LIPC: variants seen among roughly 807,000 people sequenced by gnomAD.
The protein encoded by LIPC is hepatic triacylglycerol lipase.
Under a neutral mutation model 50.7 loss-of-function variants are expected in LIPC, and 44 were observed. The observed-to-expected ratio is 0.87, with a 90% CI of 0.68 to 1.11. The LOEUF (loss-of-function observed/expected upper bound fraction) is 1.11. Ranked by LOEUF, LIPC falls within the 50% of genes most tolerant of loss-of-function variation. The pLI is 0.00. For synonymous variants in LIPC, 271 were observed against 256.4 expected, an observed-to-expected ratio of 1.06 and a Z score of -0.54; for missense variants, 697 against 648.2, an observed-to-expected ratio of 1.08 and a Z score of -0.82.
At chr15:58,474,087 T>G (rs79612456) in intron 1 of LIPC, among the ~76,000 whole-genome samples, 4,199 of 152,264 alleles carry the variant, frequency 0.028, 89 homozygotes, top group South Asian at 0.062. Flanking sequence ...CCAAAGCCCT[T>G]CTACATCAAT....
chr15:58,558,631 A>ACATGCTAGAGATCTAGGTTGTATGCTCC (rs562955063), intron 6 of LIPC, among the ~76,000 whole-genome samples: 1 of 151,686 alleles, frequency 6.6e-6, no homozygotes, highest in African/African-American at 2.4e-5. Flanking sequence ...ATTGTGAACT[A>ACATGCTAGAGATCTAGGTTGTATGCTCC]TTATGAGAAT....
At position 58,538,466 on chromosome 15, in the gene LIPC, G is replaced by C. The variant is rs372176025; in HGVS notation, c.222G>C (p.Glu74Asp). The change falls in exon 2 of 9, where the codon GAG becomes GAC. Residue 74 changes from glutamate to aspartate, a missense_variant. Transcript: ENST00000299022. Reference protein sequence around the residue: ...IRINHPDTLQECGFNSSLPLV... With the variant: ...IRINHPDTLQDCGFNSSLPLV... ...TCAATCATCCGGACACGTTACAGGA[G>C]TGCGGCTTCAACTCCTCCCTGCCTC... 1 of 1,614,114 alleles carries C rather than the reference G, an allele frequency of 6.2e-7. No homozygotes were observed. Among genetic ancestry groups the C allele is most frequent in the African/African-American group, 1.3e-5 (1 of 74,944 alleles).
At chr15:58,566,606 G>A (rs566159657) in intron 8 of LIPC, 11 of 318,868 alleles carry the variant, frequency 3.4e-5, no homozygotes, top group African/African-American at 2.2e-4. Flanking sequence ...CTTGCTCTGT[G>A]CCTCCATGGA....
intron 1 of LIPC, among the ~76,000 whole-genome samples, chr15:58,480,207 A>G (rs1159318073): frequency 6.6e-6 from 1 of 152,184 alleles, no homozygotes; most frequent in Non-Finnish European, 1.5e-5. Context: ...AAACCTTCCC[A>G]AGACCACACC....
chr15:58,441,565 A>G (rs1893510144), intron 1 of LIPC, among the ~76,000 whole-genome samples: 2 of 152,144 alleles, frequency 1.3e-5, no homozygotes, highest in South Asian at 4.1e-4. Context: ...GCTGACATCA[A>G]TTGCAAGTCA....
At chr15:58,530,512 A>G (rs909870603) in intron 1 of LIPC, among the ~76,000 whole-genome samples, 4 of 152,246 alleles carry the variant, frequency 2.6e-5, no homozygotes, top group Non-Finnish European at 5.9e-5. Context: ...AACCTGGATC[A>G]AGGGCAATGT....
At chr15:58,470,281 G>A (rs1357520962) in intron 1 of LIPC, among the ~76,000 whole-genome samples, 1 of 152,136 alleles carries the variant, frequency 6.6e-6, no homozygotes, top group Non-Finnish European at 1.5e-5. Flanking sequence ...GATTTGTTCA[G>A]AGAAGAGGGT....
At chr15:58,462,804 C>T (rs1469343301) in intron 1 of LIPC, among the ~76,000 whole-genome samples, 1 of 152,208 alleles carries the variant, frequency 6.6e-6, no homozygotes, top group African/African-American at 2.4e-5. Flanking sequence ...ACTGGCTGAG[C>T]TCTGGCCTCT....
rs375761862 is a variant in LIPC, at chr15:58,538,509, G to A, written c.265G>A (p.Gly89Arg). Residue 89 changes from glycine to arginine, a missense_variant, in exon 2 of 9, where the codon GGG becomes AGG. Physicochemically the swap from Gly to Arg is moderately radical, Grantham distance 125 (BLOSUM62 -2). Coordinates refer to ENST00000299022, the MANE Select transcript of LIPC (RefSeq NM_000236.3). ...SSLPLVMIIH[G>R]WSVDGVLENW... ...CCTGCCTCTGGTGATGATAATCCACGGGTGGTCGGTAGGAAATGCTGACAT... is the reference window on the plus strand; with the variant it reads ...CCTGCCTCTGGTGATGATAATCCACAGGTGGTCGGTAGGAAATGCTGACAT... 107 of 1,613,920 alleles carry A rather than the reference G, an allele frequency of 6.6e-5. No individual in the cohort carries two copies. The highest frequency in any genetic ancestry group is 8.3e-5 in the Non-Finnish European group (98 of 1,179,998).
intron 1 of LIPC, among the ~76,000 whole-genome samples, chr15:58,465,014 A>G (rs1217087047): frequency 6.6e-6 from 1 of 152,216 alleles, no homozygotes; most frequent in Non-Finnish European, 1.5e-5. Flanking sequence ...ACAACAAAAC[A>G]TATAGGGCTT....
intron 1 of LIPC, among the ~76,000 whole-genome samples, chr15:58,524,897 A>G (rs1892756908): frequency 6.6e-6 from 1 of 151,882 alleles, no homozygotes. Flanking sequence ...TTTTTAATTT[A>G]GTTGGTCATA....
chr15:58,565,991 T>C, intron 8 of LIPC: 8 of 984,608 alleles, frequency 8.1e-6, no homozygotes, highest in Non-Finnish European at 9.6e-6. Context: ...ATAAGATGAA[T>C]TAATTTTACT....
At position 58,442,590 on chromosome 15, in the gene LIPC, T is replaced by A. The variant is rs549344424; in HGVS notation, c.88+10470T>A. On this transcript the variant is annotated intron_variant, in intron 1 of 8. Transcript: ENST00000299022. The stretch of plus-strand genomic sequence containing the variant: ...GTACAGAACAACAGAAACCATTATT[T>A]TTAAGAATATTTAAATGTGCCAAGT... Among the ~76,000 whole-genome samples, 12 of 152,342 alleles carry A rather than the reference T, an allele frequency of 7.9e-5. No homozygotes were observed. The South Asian group carries it at 2.5e-3, about 32-fold the overall frequency.
rs1894474897 is a variant in LIPC, at chr15:58,568,974, T to G, written c.*147T>G. 1 of 548,864 alleles carries G rather than the reference T, an allele frequency of 1.8e-6. No homozygotes were observed. The highest frequency in any genetic ancestry group is 1.9e-5 in the African/African-American group (1 of 53,110). The allele number at this position is 548,864 out of a possible 1,614,324, so 34.0% of individuals were successfully genotyped here. A position where few individuals can be genotyped will look rare whatever the true frequency, so the allele number is the denominator to read the frequency against. ...TTAAGGGGGGTATGTTTCACTCTCA[T>G]AAACTGAGCTTTTAAAAACGATATG... On this transcript the variant is annotated 3_prime_UTR_variant, in exon 9 of 9. Transcript: ENST00000299022.
chr15:58,505,647 C>T (rs1892124547), intron 1 of LIPC, among the ~76,000 whole-genome samples: 1 of 152,172 alleles, frequency 6.6e-6, no homozygotes, highest in Non-Finnish European at 1.5e-5. Flanking sequence ...CAACGTCAAC[C>T]AGCCCTTCCC....
chr15:58,528,401 G>A (rs1892854791), intron 1 of LIPC, among the ~76,000 whole-genome samples: 1 of 152,188 alleles, frequency 6.6e-6, no homozygotes, highest in African/African-American at 2.4e-5. Context: ...ACTACTGTTA[G>A]TCTTATTATA....
rs116483332 is a variant in LIPC, at chr15:58,470,093, C to T, written c.88+37973C>T. On this transcript the variant is annotated intron_variant, in intron 1 of 8. Coordinates refer to ENST00000299022, the MANE Select transcript of LIPC (RefSeq NM_000236.3). ...GACTACGGGTACATACCACCACACC[C>T]GGATAATTTTTGTAATTTTTTAGAG... Among the ~76,000 whole-genome samples, 1,250 of 152,132 alleles carry T rather than the reference C, an allele frequency of 8.2e-3. 18 individuals carry two copies. Among genetic ancestry groups the T allele is most frequent in the African/African-American group, 0.028 (1,148 of 41,510 alleles).
intron 1 of LIPC, among the ~76,000 whole-genome samples, chr15:58,484,278 G>C (rs1249443320): frequency 6.6e-6 from 1 of 152,126 alleles, no homozygotes; most frequent in Non-Finnish European, 1.5e-5. Flanking sequence ...ATAATCCACT[G>C]TGTGCTAGGC....
intron 1 of LIPC, among the ~76,000 whole-genome samples, chr15:58,456,964 G>GA (rs751613995): frequency 5.9e-5 from 9 of 152,200 alleles, no homozygotes; most frequent in Non-Finnish European, 8.8e-5. Flanking sequence ...CATACCCAGG[G>GA]AAACAGAGCT....
Sources: allele counts gnomAD v4.1 joint callset (sites outside exome capture counted in the v4.1 genomes callset), GRCh38; gene constraint gnomAD v4.1.1; transcripts MANE v1.5; gene names NCBI Gene and HGNC (gene_info 2026-07-23, HGNC 2026-07-21).